The following TBP variants were observed in gnomAD, a reference collection of about 807,000 sequenced individuals.
TBP encodes TATA-box binding protein.
Under a neutral mutation model 46.2 loss-of-function variants are expected in TBP, and 12 were observed. The ratio of observed to expected loss-of-function variants is 0.26; its 90% CI spans 0.17 to 0.42. The LOEUF (loss-of-function observed/expected upper bound fraction) is 0.42. Ranked by LOEUF, TBP falls within the 10% of genes least tolerant of loss-of-function variation. The pLI is 1.00. For missense variants in TBP, 229 were observed against 403.1 expected, an observed-to-expected ratio of 0.57 and a Z score of 3.70; for synonymous variants, 157 against 148.3, an observed-to-expected ratio of 1.06 and a Z score of -0.42.
chr6:170,562,029 C>T lies in TBP; in HGVS notation c.293C>T (p.Ala98Val). Residue 98 changes from alanine to valine, a missense_variant, in exon 3 of 8, where the codon GCA (alanine) becomes GTA (valine). Ala to Val is a moderately conservative substitution (Grantham distance 64, BLOSUM62 0). This residue lies in a region of TBP where 69 missense variants were observed against 66.2 expected (regional missense o/e 1.04). Coordinates refer to ENST00000392092, the MANE Select transcript of TBP (RefSeq NM_003194.5). ...QQQQQQQQAV[A>V]AAAVQQSTSQ... ...CAGCAGCAGCAGCAACAGGCAGTGG[C>T]AGCTGCAGCCGTTCAGCAGTCAACG... 1 of 1,612,212 alleles carries T rather than the reference C, an allele frequency of 6.2e-7. No individual in the cohort carries two copies. The highest frequency in any genetic ancestry group is 8.5e-7 in the Non-Finnish European group (1 of 1,179,384).
Position 170,564,542 on chromosome 6 carries a change from C to T in TBP, c.498-3C>T, listed in dbSNP as rs370881260. On this transcript the variant is annotated splice_region_variant and splice_polypyrimidine_tract_variant and intron_variant, in intron 3 of 7. Transcript: ENST00000392092. ...TCGTGTTTTCTTTTTAAATCTCTTA[C>T]AGAAATATTGTATCCACAGTGAATC... 15 of 1,589,156 alleles carry T rather than the reference C, an allele frequency of 9.4e-6. No individual in the cohort carries two copies. In the African/African-American group the frequency reaches 1.9e-4, roughly 20 times the overall value.
In TBP at chr6:170,557,099, G is replaced by A. The variant is rs1779043762; in HGVS notation, c.54+16G>A. 8 of 1,611,962 alleles carry A rather than the reference G, an allele frequency of 5.0e-6. No individual in the cohort carries two copies. Among genetic ancestry groups the A allele is most frequent in the Admixed American group, 1.7e-5 (1 of 59,982 alleles). On this transcript the variant is annotated intron_variant, in intron 2 of 7. Transcript: ENST00000392092. ...CTCCCCTCAGGTAATATAGCAGGAG[G>A]GAGAGAATAGGGAGGGCGGAAATCT...
chr6:170,560,882 G>T (rs1779127028), intron 2 of TBP, among the ~76,000 whole-genome samples: 1 of 152,170 alleles, frequency 6.6e-6, no homozygotes, highest in Non-Finnish European at 1.5e-5. Context: ...GATGACTTTA[G>T]AATATTACAT....
chr6:170,558,624 T>G (rs1465256047), intron 2 of TBP, among the ~76,000 whole-genome samples: 1 of 152,178 alleles, frequency 6.6e-6, no homozygotes, highest in African/African-American at 2.4e-5. Flanking sequence ...ATTTTGGTAA[T>G]TTTTGCAGGA....
In TBP at chr6:170,562,109, C is replaced by T; in HGVS notation, c.373C>T (p.Gln125Ter). The T allele has an allele frequency of 5.6e-6, 9 of 1,614,168 alleles. No individual in the cohort carries two copies. The highest frequency in any genetic ancestry group is 7.6e-6 in the Non-Finnish European group (9 of 1,180,040). Reference sequence around the variant, plus strand: ...CCAGGCACCACAGCTCTTCCACTCACAGACTCTCACAACTGCACCCTTGCC... The same window carrying T: ...CCAGGCACCACAGCTCTTCCACTCATAGACTCTCACAACTGCACCCTTGCC... The part of the protein sequence containing the change: ...SGQAPQLFHS[Q>*]TLTTAPLPGT... Residue 125 changes from glutamine (Q) to a stop codon, truncating the protein, a stop_gained, in exon 3 of 8, where the codon CAG becomes TAG. Coordinates refer to ENST00000392092, the MANE Select transcript of TBP (RefSeq NM_003194.5). LOFTEE classifies it high-confidence loss of function.
intron 2 of TBP, among the ~76,000 whole-genome samples, chr6:170,561,161 T>TTTTA (rs1779131882): frequency 6.6e-6 from 1 of 152,234 alleles, no homozygotes; most frequent in Non-Finnish European, 1.5e-5. Flanking sequence ...CTCACATGAT[T>TTTTA]GTTAGCATTT....
intron 7 of TBP, among the ~76,000 whole-genome samples, chr6:170,571,973 A>C (rs1039145518): frequency 1.4e-4 from 22 of 151,898 alleles, no homozygotes; most frequent in Non-Finnish European, 2.9e-4. Flanking sequence ...GAGACGCTGG[A>C]GTCACTAAGA....
At position 170,556,996 on chromosome 6, in the gene TBP, G is replaced by C. The variant is rs760155887; in HGVS notation, c.-34G>C. On this transcript the variant is annotated 5_prime_UTR_variant, in exon 2 of 8. Transcript: ENST00000392092. ...AATAGTGAGACGAGTTCCAGCGCAA[G>C]GGTTTCTGGTTTGCCAAGAAGAAAG... The C allele has an allele frequency of 6.2e-7, 1 of 1,611,920 alleles. No homozygotes were observed. The highest frequency in any genetic ancestry group is 8.5e-7 in the Non-Finnish European group (1 of 1,178,480).
rs776458919 is a variant in TBP, at chr6:170,561,964, G to GCAGCAA, written c.233_234insACAGCA (p.Gln94_Gln95dup). 2 of 883,536 alleles carry GCAGCAA rather than the reference G, an allele frequency of 2.3e-6. No homozygotes were observed. Among genetic ancestry groups the GCAGCAA allele is most frequent in the East Asian group, 1.0e-4 (2 of 19,622 alleles). 54.7% of individuals were successfully genotyped at this position (883,536 alleles called of 1,614,324 possible). A position where few individuals can be genotyped will look rare whatever the true frequency, so the allele number is the denominator to read the frequency against. On this transcript the variant is annotated inframe_insertion, in exon 3 of 8. Transcript: ENST00000392092. ...AGCAGCAGCAGCAACAGCAACAGCA[G>GCAGCAA]CAGCAGCAGCAGCAGCAGCAGCAGC...
chr6:170,559,236 A>G (rs928198711), intron 2 of TBP, among the ~76,000 whole-genome samples: 18 of 152,206 alleles, frequency 1.2e-4, no homozygotes, highest in African/African-American at 4.3e-4. Flanking sequence ...GATGAAGGGA[A>G]GAGCTGCACA....
intron 1 of TBP, among the ~76,000 whole-genome samples, chr6:170,555,454 CTG>C (rs1299181683): frequency 8.5e-5 from 13 of 152,204 alleles, no homozygotes; most frequent in African/African-American, 3.1e-4. Context: ...CCAATATGTG[CTG>C]TCTCATCTGC....
intron 7 of TBP, 55 bp from the exon 8 acceptor site, chr6:170,572,131 T>C: frequency 7.5e-7 from 1 of 1,331,470 alleles, no homozygotes; most frequent in Non-Finnish European, 1.1e-6. Context: ...ACCATCTTAA[T>C]ATGTTAAGAA....
chr6:170,566,464 C>T (rs1375166152), intron 4 of TBP, among the ~76,000 whole-genome samples: 1 of 152,126 alleles, frequency 6.6e-6, no homozygotes, highest in Admixed American at 6.6e-5. Context: ...TATTGATAGG[C>T]TTGTAATCTG....
chr6:170,567,083 ATTAGG>A (rs1381466817), intron 5 of TBP, 74 bp downstream of exon 5: 4 of 1,231,672 alleles, frequency 3.2e-6, no homozygotes, highest in Non-Finnish European at 4.6e-6. Context: ...TTTTTAGGTT[ATTAGG>A]TTAGCACTTT....
At chr6:170,565,785 G>A (rs1779232464) in intron 4 of TBP, among the ~76,000 whole-genome samples, 1 of 152,110 alleles carries the variant, frequency 6.6e-6, no homozygotes, top group Non-Finnish European at 1.5e-5. Flanking sequence ...AACTAAAATT[G>A]TTAAAAGCCA....
intron 1 of TBP, among the ~76,000 whole-genome samples, chr6:170,555,803 C>T (rs1284297072): frequency 6.6e-6 from 1 of 152,110 alleles, no homozygotes; most frequent in African/African-American, 2.4e-5. Flanking sequence ...TAGACCATAC[C>T]TGCTGTTATA....
intron 3 of TBP, 43 bp downstream of exon 3, chr6:170,562,276 C>A: frequency 6.4e-7 from 1 of 1,573,558 alleles, no homozygotes; most frequent in Admixed American, 1.7e-5. Context: ...TTAGGAGTCC[C>A]TTTGAGTTAT....
chr6:170,556,218 G>A (rs1281191635), intron 1 of TBP, among the ~76,000 whole-genome samples: 1 of 152,190 alleles, frequency 6.6e-6, no homozygotes, highest in African/African-American at 2.4e-5. Flanking sequence ...GTGAGAATAT[G>A]TTGTTATAAA....
At chr6:170,558,396 A>G (rs960099008) in intron 2 of TBP, among the ~76,000 whole-genome samples, 16 of 152,152 alleles carry the variant, frequency 1.1e-4, no homozygotes, top group Non-Finnish European at 2.4e-4. Context: ...GCTTAGTAGT[A>G]TCTTATTGTG....
Sources: allele counts gnomAD v4.1 joint callset (sites outside exome capture counted in the v4.1 genomes callset), GRCh38; gene constraint gnomAD v4.1.1; regional missense constraint gnomAD v4.1.1; transcripts MANE v1.5; gene names NCBI Gene and HGNC (gene_info 2026-07-23, HGNC 2026-07-21).